RNGTT: variants seen among roughly 807,000 people sequenced by gnomAD.
The protein encoded by RNGTT is RNA guanylyltransferase and 5'-phosphatase, also known as mRNA-capping enzyme.
Under a neutral mutation model 79.3 loss-of-function variants are expected in RNGTT, and 33 were observed. The observed-to-expected ratio is 0.42, with a 90% confidence interval of 0.32 to 0.56. The LOEUF (loss-of-function observed/expected upper bound fraction) is 0.56, where lower values mean the gene tolerates loss of function less well. RNGTT is among the 20% of genes least tolerant of loss of function. The pLI is 0.17. For missense variants in RNGTT, 497 were observed against 739.1 expected, an observed-to-expected ratio of 0.67 and a Z score of 3.80; for synonymous variants, 222 against 235.9, an observed-to-expected ratio of 0.94 and a Z score of 0.54.
chr6:88,836,725 A>T (rs935050203), intron 11 of RNGTT, among the ~76,000 whole-genome samples: 1 of 152,146 alleles, frequency 6.6e-6, no homozygotes, highest in Non-Finnish European at 1.5e-5. Flanking sequence ...AGGTGACAGA[A>T]CAAGATCCTA....
intron 8 of RNGTT, among the ~76,000 whole-genome samples, chr6:88,880,474 C>A (rs556821748): frequency 2.0e-5 from 3 of 152,134 alleles, no homozygotes; most frequent in Non-Finnish European, 4.4e-5. Flanking sequence ...GCAGGGTATG[C>A]TTGTATATGT....
chr6:88,629,949 T>C (rs1396134653), intron 14 of RNGTT, among the ~76,000 whole-genome samples: 4 of 152,160 alleles, frequency 2.6e-5, no homozygotes, highest in Non-Finnish European at 5.9e-5. Flanking sequence ...TTAAGTCAGC[T>C]CAACTCCCTG....
intron 8 of RNGTT, among the ~76,000 whole-genome samples, chr6:88,885,510 A>G (rs1168574010): frequency 6.6e-6 from 1 of 152,238 alleles, no homozygotes; most frequent in Non-Finnish European, 1.5e-5. Flanking sequence ...GAAATGAGAA[A>G]GAAGGGAAAG....
chr6:88,660,549 T>TAAAAAAAAA (rs139978224), intron 14 of RNGTT, among the ~76,000 whole-genome samples: 4,339 of 143,972 alleles, frequency 0.03, 106 homozygotes, highest in African/African-American at 0.058. Context: ...GCAACAATGG[T>TAAAAAAAAA]AAAAAAAAAG....
chr6:88,775,693 A>AAG (rs1778853267), intron 12 of RNGTT, among the ~76,000 whole-genome samples: 1 of 152,190 alleles, frequency 6.6e-6, no homozygotes, highest in Non-Finnish European at 1.5e-5. Flanking sequence ...CCCCATTTAA[A>AAG]AGAGCTTATT....
intron 8 of RNGTT, among the ~76,000 whole-genome samples, chr6:88,874,204 G>C (rs1782443476): frequency 6.6e-6 from 1 of 152,070 alleles, no homozygotes; most frequent in Non-Finnish European, 1.5e-5. Flanking sequence ...AGCAATACAA[G>C]TTAAATATGT....
At chr6:88,712,590 G>T (rs1776354789) in intron 13 of RNGTT, among the ~76,000 whole-genome samples, 1 of 152,202 alleles carries the variant, frequency 6.6e-6, no homozygotes, top group African/African-American at 2.4e-5. Context: ...AGGACTGTAA[G>T]CACAAGCTGG....
intron 1 of RNGTT, among the ~76,000 whole-genome samples, chr6:88,946,973 T>G (rs1404558190): frequency 4.8e-5 from 4 of 83,422 alleles, no homozygotes; most frequent in African/African-American, 1.5e-4. Flanking sequence ...TGGAGTGCAG[T>G]GGCGTGATCT....
At chr6:88,801,121 C>A (rs2127862628) in intron 12 of RNGTT, among the ~76,000 whole-genome samples, 1 of 152,248 alleles carries the variant, frequency 6.6e-6, no homozygotes, top group East Asian at 1.9e-4. Context: ...AAGTTTTATT[C>A]TTTCTCAAGT....
At chr6:88,898,982 GATT>G (rs1047658572) in intron 6 of RNGTT, among the ~76,000 whole-genome samples, 3 of 151,382 alleles carry the variant, frequency 2.0e-5, no homozygotes, top group African/African-American at 7.3e-5. Flanking sequence ...AAAGTTGAAG[GATT>G]ATAAGTTTTC....
At chr6:88,928,305 AAAC>A (rs1014780036) in intron 4 of RNGTT, among the ~76,000 whole-genome samples, 14 of 152,180 alleles carry the variant, frequency 9.2e-5, no homozygotes, top group South Asian at 4.1e-4. Flanking sequence ...TATAAAAGCA[AAAC>A]AACAACAACA....
intron 14 of RNGTT, among the ~76,000 whole-genome samples, chr6:88,640,546 CA>C (rs71541174): frequency 2.0e-3 from 138 of 67,898 alleles, no homozygotes; most frequent in East Asian, 3.9e-3. Flanking sequence ...GACCTTGTCT[CA>C]AAAAAAAAAA....
At chr6:88,864,598 T>A (rs113152757) in intron 8 of RNGTT, among the ~76,000 whole-genome samples, 1 of 152,108 alleles carries the variant, frequency 6.6e-6, no homozygotes, top group African/African-American at 2.4e-5. Context: ...CACCAGAAGT[T>A]TTAAACTGTC....
chr6:88,817,255 G>A (rs777564235), intron 11 of RNGTT, among the ~76,000 whole-genome samples: 47 of 152,026 alleles, frequency 3.1e-4, no homozygotes, highest in Non-Finnish European at 6.6e-4. Flanking sequence ...GGACTAAGTA[G>A]GTACAGTTAT....
chr6:88,773,047 A>G (rs1403406865), intron 12 of RNGTT, among the ~76,000 whole-genome samples: 5 of 144,294 alleles, frequency 3.5e-5, no homozygotes, highest in African/African-American at 1.0e-4. Context: ...ATTATTCACA[A>G]TAGCAAAGAC....
intron 14 of RNGTT, among the ~76,000 whole-genome samples, chr6:88,661,076 A>G (rs919567520): frequency 6.6e-6 from 1 of 152,238 alleles, no homozygotes; most frequent in Non-Finnish European, 1.5e-5. Flanking sequence ...TCTTTGGGTC[A>G]ACAATGAAAT....
At chr6:88,842,900 C>A (rs368445040) in intron 11 of RNGTT, among the ~76,000 whole-genome samples, 1 of 151,790 alleles carries the variant, frequency 6.6e-6, no homozygotes, top group East Asian at 1.9e-4. Context: ...AGGGAAACCT[C>A]GTCTCTAGAA....
chr6:88,766,934 T>C (rs1479051309), intron 13 of RNGTT, among the ~76,000 whole-genome samples: 3 of 152,076 alleles, frequency 2.0e-5, no homozygotes, highest in African/African-American at 7.2e-5. Flanking sequence ...TACTCCCCTT[T>C]CGAACTAGTA....
intron 11 of RNGTT, among the ~76,000 whole-genome samples, chr6:88,817,448 C>T (rs1308928840): frequency 7.0e-6 from 1 of 143,718 alleles, no homozygotes; most frequent in Non-Finnish European, 1.5e-5. Flanking sequence ...TTAAGACCAG[C>T]CTGGGCAACA....
Sources: gnomAD v4.1 joint callset for allele counts (sites outside exome capture counted in the v4.1 genomes callset) on GRCh38, gnomAD v4.1.1 for gene constraint, MANE v1.5 for transcripts, NCBI Gene and HGNC (gene_info 2026-07-23, HGNC 2026-07-21) for gene names.